The following STAT5A variants were observed in gnomAD, a reference collection of about 807,000 sequenced individuals.
The protein encoded by STAT5A is signal transducer and activator of transcription 5A, also known as epididymis secretory sperm binding protein.
A neutral mutation model predicts 100.2 loss-of-function variants in STAT5A; 26 were observed. The observed-to-expected ratio is 0.26, with a 90% CI of 0.19 to 0.36. The LOEUF (loss-of-function observed/expected upper bound fraction) is 0.36. Among genes scored for constraint, STAT5A ranks in the 10% least tolerant of loss-of-function variants. STAT5A has a pLI of 1.00. For missense variants in STAT5A, 634 were observed against 1,027.5 expected, an observed-to-expected ratio of 0.62 and a Z score of 5.24; for synonymous variants, 330 against 424.3, an observed-to-expected ratio of 0.78 and a Z score of 2.73.
rs2081049744 is a variant in STAT5A at position 42,308,387 on chromosome 17, C to T, written c.2062+54C>T. On this transcript the variant is annotated intron_variant, in intron 16 of 18. Transcript: ENST00000590949. The surrounding 1 kb of genome is among the most constrained non-coding windows in gnomAD (Gnocchi z 4.6). ...TGACTCCCCCGGGCTCTTCCCCAGC[C>T]CATAGACAAAGCCTTGGGCTGCGCC... 4 of 1,612,654 alleles carry T rather than the reference C, an allele frequency of 2.5e-6. No homozygotes were observed. The highest frequency in any genetic ancestry group is 1.3e-5 in the African/African-American group (1 of 75,038).
At chr17:42,302,890 C>A (rs924035227) in intron 9 of STAT5A, among the ~76,000 whole-genome samples, 1 of 151,152 alleles carries the variant, frequency 6.6e-6, no homozygotes, top group Non-Finnish European at 1.5e-5. Flanking sequence ...CGGAGGTGGA[C>A]GTGGCAGTGA....
chr17:42,311,252 T>G lies in STAT5A; in HGVS notation c.*583T>G, dbSNP rs2081078274. 1.2e-5 allele frequency: 2 copies of G among 160,026 alleles called. No individual in the cohort carries two copies. Among genetic ancestry groups the G allele is most frequent in the Non-Finnish European group, 2.8e-5 (2 of 71,836 alleles). 9.9% of individuals were successfully genotyped at this position (160,026 alleles called of 1,614,324 possible). A position where few individuals can be genotyped will look rare whatever the true frequency, so the allele number is the denominator to read the frequency against. ...ACTTTAGTGAACGTGGACTCCAGAC[T>G]CTCTGTGAACCCTATGAGAGCGCGT... On this transcript the variant is annotated 3_prime_UTR_variant, in exon 19 of 19. Transcript: ENST00000590949.
intron 13 of STAT5A, among the ~76,000 whole-genome samples, chr17:42,306,725 T>A (rs1402883902): frequency 1.4e-5 from 2 of 143,082 alleles, no homozygotes; most frequent in Non-Finnish European, 3.1e-5. Context: ...GCTAATTTTC[T>A]TTTTTTTTTT....
At chr17:42,296,314 G>A (rs1370266209) in intron 5 of STAT5A, among the ~76,000 whole-genome samples, 2 of 152,134 alleles carry the variant, frequency 1.3e-5, no homozygotes, top group Non-Finnish European at 1.5e-5. Context: ...CGGATAGGAT[G>A]TGGGCCTGGG....
At chr17:42,303,834 A>C (rs976194105) in intron 9 of STAT5A, among the ~76,000 whole-genome samples, 1 of 152,194 alleles carries the variant, frequency 6.6e-6, no homozygotes, top group South Asian at 2.1e-4. Context: ...CTGGGGAGCT[A>C]TCTGGGCTGA....
In STAT5A at chr17:42,307,390, C is replaced by T. The variant is rs759740514; in HGVS notation, c.1681-12C>T. 4 of 1,612,982 alleles carry T rather than the reference C, an allele frequency of 2.5e-6. No homozygotes were observed. In the South Asian group the frequency reaches 3.3e-5, roughly 13 times the overall value. On this transcript the variant is annotated splice_polypyrimidine_tract_variant and intron_variant, in intron 13 of 18. Transcript: ENST00000590949. The stretch of plus-strand genomic sequence containing the variant: ...GGCACCAGCCCTGACTCGGGGGTTC[C>T]TGGGCCCTCAGGAGAACTTGCCGGG...
intron 1 of STAT5A, 44 bp from the exon 2 acceptor site, chr17:42,289,358 T>G (rs1335334092): frequency 2.0e-6 from 3 of 1,534,052 alleles, no homozygotes; most frequent in African/African-American, 1.4e-5. Flanking sequence ...CCCGGTTCCT[T>G]GGCCTCTGCA....
At position 42,310,678 on chromosome 17, in the gene STAT5A, A is replaced by C. The variant is rs1303345559; in HGVS notation, c.*9A>C. The C allele has an allele frequency of 1.2e-5, 19 of 1,613,828 alleles. No homozygotes were observed. The highest frequency in any genetic ancestry group is 1.6e-5 in the Non-Finnish European group (19 of 1,179,918). On this transcript the variant is annotated 3_prime_UTR_variant, in exon 19 of 19. Coordinates refer to ENST00000590949, the MANE Select transcript of STAT5A (RefSeq NM_001288718.2). The stretch of plus-strand genomic sequence containing the variant: ...GAGGCTCCCTCTCATGAATGTTTGA[A>C]TCCCACGCTTCTCTTTGGAAACAAT...
chr17:42,304,880 G>A lies in STAT5A; in HGVS notation c.1380+228G>A, dbSNP rs1316093336. Among the ~76,000 whole-genome samples the A allele has an allele frequency of 6.6e-6, 1 of 152,186 alleles. No individual in the cohort carries two copies. Among genetic ancestry groups the A allele is most frequent in the Non-Finnish European group, 1.5e-5 (1 of 68,032 alleles). ...GCTTGTGCCTACATTTTGCTGGGAG[G>A]GGCTTGTGTTTGGAACTGTGGGTGA... On this transcript the variant is annotated intron_variant, in intron 11 of 18. Transcript: ENST00000590949. This position sits in a 1 kb window ranked among gnomAD's most constrained non-coding sequence, Gnocchi z 4.8.
At position 42,308,635 on chromosome 17, in the gene STAT5A, A is replaced by C. The variant is rs984328822; in HGVS notation, c.2062+302A>C. ...AGTGGCCGGGATCATTCGAGCCCAC[A>C]GATAGTGCTCCGCTCCCCACCTCAC... On this transcript the variant is annotated intron_variant, in intron 16 of 18. Transcript: ENST00000590949. This position sits in a 1 kb window ranked among gnomAD's most constrained non-coding sequence, Gnocchi z 4.6. 5.5e-5 allele frequency: 28 copies of C among 504,688 alleles called. No homozygotes were observed. The highest frequency in any genetic ancestry group is 5.5e-4 in the Middle Eastern group (1 of 1,830). The allele number at this position is 504,688 out of a possible 1,614,324, so 31.3% of individuals were successfully genotyped here.
At chr17:42,298,101 T>C (rs867767543) in intron 5 of STAT5A, among the ~76,000 whole-genome samples, 4 of 151,708 alleles carry the variant, frequency 2.6e-5, no homozygotes, top group African/African-American at 9.7e-5. Context: ...TTTCTTAGCC[T>C]GGGTTATTGA....
At position 42,311,884 on chromosome 17, in the gene STAT5A, T is replaced by TGTA. The variant is rs1483892121; in HGVS notation, c.*1216_*1218dup. 46 of 152,788 alleles carry TGTA rather than the reference T, an allele frequency of 3.0e-4. No individual in the cohort carries two copies. Among genetic ancestry groups the TGTA allele is most frequent in the African/African-American group, 1.1e-3 (44 of 41,462 alleles). 9.5% of individuals were successfully genotyped at this position (152,788 alleles called of 1,614,324 possible). A position where few individuals can be genotyped will look rare whatever the true frequency, so the allele number is the denominator to read the frequency against. On this transcript the variant is annotated 3_prime_UTR_variant, in exon 19 of 19. Transcript: ENST00000590949. The stretch of plus-strand genomic sequence containing the variant: ...TGAGAAGAGGGGTTTTTTTGTACTT[T>TGTA]GTACAAAGACCACACATTTGTGTAA...
At chr17:42,306,724 C>CT (rs373460271) in intron 13 of STAT5A, among the ~76,000 whole-genome samples, 125 of 144,010 alleles carry the variant, frequency 8.7e-4, no homozygotes, top group Middle Eastern at 7.1e-3. Context: ...TGCTAATTTT[C>CT]TTTTTTTTTT....
intron 3 of STAT5A, 80 bp downstream of exon 3, chr17:42,290,102 C>T (rs971253294): frequency 1.5e-4 from 221 of 1,460,982 alleles, no homozygotes; most frequent in Non-Finnish European, 1.8e-4. Context: ...TTTTTCCTGG[C>T]CTGGCCACTG....
chr17:42,307,270 C>T (rs2081037856), intron 13 of STAT5A, 132 bp from the exon 14 acceptor site: 1 of 839,400 alleles, frequency 1.2e-6, no homozygotes, highest in East Asian at 2.6e-5. Flanking sequence ...ACTTTATGGT[C>T]TGCTGGAGTG....
intron 9 of STAT5A, among the ~76,000 whole-genome samples, chr17:42,303,993 G>A (rs1156406291): frequency 6.6e-6 from 1 of 152,182 alleles, no homozygotes; most frequent in Non-Finnish European, 1.5e-5. Flanking sequence ...GGCCAGGGGG[G>A]TGGGTAGGTG....
chr17:42,300,299 C>G lies in STAT5A; in HGVS notation c.833+18C>G, dbSNP rs1361905059. On this transcript the variant is annotated intron_variant, in intron 7 of 18. Transcript: ENST00000590949. ...CAGTCCTGGTAATGGTGTGGGGCGGCCAGCGGGCAGGGCAGGAGGGGCTGG... is the reference window on the plus strand; with the variant it reads ...CAGTCCTGGTAATGGTGTGGGGCGGGCAGCGGGCAGGGCAGGAGGGGCTGG... 2 of 1,580,846 alleles carry G rather than the reference C, an allele frequency of 1.3e-6. No homozygotes were observed. The highest frequency in any genetic ancestry group is 1.3e-5 in the African/African-American group (1 of 74,086).
At chr17:42,291,176 G>A (rs1056108127) in intron 3 of STAT5A, among the ~76,000 whole-genome samples, 4 of 152,240 alleles carry the variant, frequency 2.6e-5, no homozygotes, top group African/African-American at 9.6e-5. Context: ...CGCATGTGCA[G>A]TTCACAATAG....
intron 12 of STAT5A, 91 bp from the exon 13 acceptor site, chr17:42,306,150 C>G (rs980682823): frequency 2.5e-6 from 4 of 1,595,798 alleles, no homozygotes; most frequent in Admixed American, 1.7e-5. Context: ...TCTCAGTCTC[C>G]TCTGTCTCTA....
Sources: allele counts gnomAD v4.1 joint callset (sites outside exome capture counted in the v4.1 genomes callset), GRCh38; gene constraint gnomAD v4.1.1; non-coding constraint Gnocchi (gnomAD v3.1); transcripts MANE v1.5; gene names NCBI Gene and HGNC (gene_info 2026-07-23, HGNC 2026-07-21).